The following FAAP20 variants were observed in gnomAD, a reference collection of about 807,000 sequenced individuals.
FAAP20 encodes the protein FA core complex associated protein 20, also known as Fanconi anemia core complex-associated protein 20.
FAAP20 carries 12 observed loss-of-function variants against 16.2 expected under a neutral mutation model. The ratio of observed to expected loss-of-function variants is 0.74; its 90% CI spans 0.48 to 1.20. FAAP20 has a LOEUF of 1.20. Among genes scored for constraint, FAAP20 ranks in the 50% most tolerant of loss-of-function variants. The pLI is 0.00. For missense variants in FAAP20, 288 were observed against 245.8 expected (o/e 1.17, Z -1.15); for synonymous variants, 141 against 110.7 (o/e 1.27, Z -1.72).
chr1:2,189,428 G>A (rs1254918661), downstream of FAAP20: 4 of 518,086 alleles, frequency 7.7e-6, no homozygotes, highest in Admixed American at 6.5e-5. Context: ...CCCGTCCGCT[G>A]TCCACAGTGG....
upstream of FAAP20, chr1:2,197,965 ACT>A (rs1688889244): frequency 7.9e-7 from 1 of 1,270,952 alleles, no homozygotes; most frequent in Admixed American, 2.3e-5. Context: ...GCCACTCAAG[ACT>A]CTCAAGACAA....
At chr1:2,192,805 G>C in intron 3 of FAAP20, 1 of 1,151,730 alleles carries the variant, frequency 8.7e-7, no homozygotes, top group Non-Finnish European at 1.2e-6. Flanking sequence ...TTGCCATGTT[G>C]CCCAGGCTGG....
At chr1:2,185,124 T>G, downstream of FAAP20, 1 of 1,027,696 alleles carries the variant, frequency 9.7e-7, no homozygotes, top group Middle Eastern at 2.1e-4. Flanking sequence ...GGACAGACGC[T>G]TGCGCCGAGA....
chr1:2,194,501 G>A (rs1688660151), intron 1 of FAAP20, among the ~76,000 whole-genome samples, 187 bp downstream of exon 1: 1 of 144,946 alleles, frequency 6.9e-6, no homozygotes, highest in Non-Finnish European at 1.5e-5. Context: ...GGGGAAGCTC[G>A]GCGTGGGGTG....
At position 2,194,697 on chromosome 1, in the gene FAAP20, G is replaced by A. The variant is rs938964526; in HGVS notation, c.53C>T (p.Pro18Leu). 2.6e-6 allele frequency: 3 copies of A among 1,162,318 alleles called. No homozygotes were observed. Among genetic ancestry groups the A allele is most frequent in the Admixed American group, 4.7e-5 (1 of 21,104 alleles). The allele number at this position is 1,162,318 out of a possible 1,614,324, so 72.0% of individuals were successfully genotyped here. ...CGGCTCCCGGCCTCACCCGCCCGCC[G>A]GGCGCGGCCTCCGGCGGCTCAACCC... The part of the protein sequence containing the change: ...RLGLSRRRPR[P>L]AGGPSGGRPW... Residue 18 changes from proline (P) to leucine (L), a missense_variant, in exon 1 of 4, where the codon CCG becomes CTG. Coordinates refer to ENST00000378546, the MANE Select transcript of FAAP20 (RefSeq NM_182533.4).
At chr1:2,204,403 T>G (rs1224040904), upstream of FAAP20, among the ~76,000 whole-genome samples, 1 of 152,244 alleles carries the variant, frequency 6.6e-6, no homozygotes, top group Non-Finnish European at 1.5e-5. Context: ...GGACGGTCAG[T>G]TCTCCCAAAT....
chr1:2,195,973 G>A (rs1553185033), upstream of FAAP20, among the ~76,000 whole-genome samples: 1 of 152,190 alleles, frequency 6.6e-6, no homozygotes, highest in Non-Finnish European at 1.5e-5. Context: ...GGGGGAGGGG[G>A]CCTGGGGGAG....
At chr1:2,199,369 G>A (rs1267118085), upstream of FAAP20, 17 of 1,020,218 alleles carry the variant, frequency 1.7e-5, no homozygotes, top group South Asian at 4.1e-4. The surrounding 1 kb of genome is among the most constrained non-coding windows in gnomAD (Gnocchi z 4.5). Flanking sequence ...CTGCTCTGAC[G>A]TCCCCCCGCC....
At chr1:2,197,672 CACA>C (rs1688878826), upstream of FAAP20, among the ~76,000 whole-genome samples, 1 of 152,262 alleles carries the variant, frequency 6.6e-6, no homozygotes, top group African/African-American at 2.4e-5. Context: ...GCAGAGGCAG[CACA>C]ACGTGTCACA....
At chr1:2,198,008 T>C, upstream of FAAP20, 1 of 1,289,704 alleles carries the variant, frequency 7.8e-7, no homozygotes, top group Middle Eastern at 2.1e-4. Context: ...CAAACATACC[T>C]TGTCCTGCCT....
chr1:2,185,904 G>A, downstream of FAAP20: 1 of 346,794 alleles, frequency 2.9e-6, no homozygotes, highest in South Asian at 2.4e-5. Flanking sequence ...CCTTAAAGTT[G>A]AACGTGATGA....
downstream of FAAP20, among the ~76,000 whole-genome samples, chr1:2,210,141 C>T (rs529616899): frequency 2.6e-5 from 4 of 152,342 alleles, no homozygotes; most frequent in Admixed American, 6.5e-5. Context: ...TGGAGATGGG[C>T]GGCTCACCTG....
chr1:2,199,027 C>T (rs1456262086), upstream of FAAP20: 1 of 1,244,166 alleles, frequency 8.0e-7, no homozygotes, highest in African/African-American at 1.5e-5. This position sits in a 1 kb window ranked among gnomAD's most constrained non-coding sequence, Gnocchi z 4.5. Context: ...TGCCCTTGGG[C>T]ACCGACAGCC....
In FAAP20 at chr1:2,194,121, G is replaced by A. The variant is rs767794843; in HGVS notation, c.75C>T (p.Gly25=). 4 of 1,612,090 alleles carry A rather than the reference G, an allele frequency of 2.5e-6. No homozygotes were observed. Among genetic ancestry groups the A allele is most frequent in the Non-Finnish European group, 3.4e-6 (4 of 1,179,828 alleles). The change falls in exon 2 of 4, where the codon GGC becomes GGT. Residue 25 remains glycine, a synonymous_variant. Transcript: ENST00000378546. The part of the protein sequence containing the change: ...RPRPAGGPSG[G]RPWFLLGGDE... ...CACCCCCCAGGAGAAACCAGGGGCG[G>A]CCGCCAGAAGGCCTGGGGCAGACAG...
chr1:2,189,342 A>C (rs970044243), downstream of FAAP20, among the ~76,000 whole-genome samples: 12 of 150,884 alleles, frequency 8.0e-5, no homozygotes, highest in South Asian at 6.3e-4. Flanking sequence ...AAAAAAAAAA[A>C]AACAAAAAAA....
chr1:2,187,295 TTC>T (rs1553182147), downstream of FAAP20: 4 of 406,218 alleles, frequency 9.8e-6, no homozygotes, highest in Non-Finnish European at 2.0e-5. Context: ...CTTTTTTTTT[TTC>T]TTTTTCTTTT....
At chr1:2,196,113 GACCAA>G (rs1688811446), upstream of FAAP20, among the ~76,000 whole-genome samples, 1 of 152,198 alleles carries the variant, frequency 6.6e-6, no homozygotes, top group Admixed American at 6.5e-5. This position sits in a 1 kb window ranked among gnomAD's most constrained non-coding sequence, Gnocchi z 4.5. Flanking sequence ...GGTGCCAGCT[GACCAA>G]GCGCTCTCAG....
upstream of FAAP20, among the ~76,000 whole-genome samples, chr1:2,202,470 T>A (rs1265323099): frequency 6.6e-6 from 1 of 152,192 alleles, no homozygotes; most frequent in East Asian, 1.9e-4. Flanking sequence ...ATTTTTATTT[T>A]ATTTATTTAT....
At chr1:2,185,610 G>GCA, downstream of FAAP20, 1 of 675,080 alleles carries the variant, frequency 1.5e-6, no homozygotes, top group Non-Finnish European at 2.8e-6. Flanking sequence ...CTGTGGTCTA[G>GCA]GGTGAAGTGA....
Sources: allele counts gnomAD v4.1 joint callset (sites outside exome capture counted in the v4.1 genomes callset), GRCh38; gene constraint gnomAD v4.1.1; non-coding constraint Gnocchi (gnomAD v3.1); transcripts MANE v1.5; gene names NCBI Gene and HGNC (gene_info 2026-07-23, HGNC 2026-07-21).